IMPG1: variants seen among roughly 807,000 people sequenced by gnomAD.
The protein encoded by IMPG1 is interphotoreceptor matrix proteoglycan 1, also known as interphotoreceptor matrix proteoglycan of 150 kDa.
A neutral mutation model predicts 92.0 loss-of-function variants in IMPG1; 85 were observed. The observed-to-expected ratio is 0.92, with a 90% CI of 0.78 to 1.11. The LOEUF is 1.11. Among genes scored for constraint, IMPG1 ranks in the 50% least tolerant of loss-of-function variants. The probability of loss-of-function intolerance (pLI) is 0.00; values close to 1 mark genes in which losing one functional copy is unlikely to be tolerated. For missense variants in IMPG1, 1,022 were observed against 956.0 expected, an observed-to-expected ratio of 1.07 and a Z score of -0.91; for synonymous variants, 367 against 334.1, an observed-to-expected ratio of 1.10 and a Z score of -1.08.
At chr6:75,983,830 T>C (rs1353820917) in intron 12 of IMPG1, among the ~76,000 whole-genome samples, 1 of 152,066 alleles carries the variant, frequency 6.6e-6, no homozygotes, top group Non-Finnish European at 1.5e-5. Context: ...TGAAAGGCAA[T>C]TAATATTTAA....
In IMPG1 at chr6:76,022,150, T is replaced by C. The variant is rs1222247932; in HGVS notation, c.632A>G (p.Asp211Gly). Residue 211 changes from aspartate to glycine, a missense_variant, in exon 6 of 17, where the codon GAT (aspartate) becomes GGT (glycine). Asp to Gly is a moderately conservative substitution (Grantham distance 94, BLOSUM62 -1). Coordinates refer to ENST00000369950, the MANE Select transcript of IMPG1 (RefSeq NM_001563.4). ...PDDTLLNEILDNTLNDTKMPT... is the reference protein window; with the variant it reads ...PDDTLLNEILGNTLNDTKMPT... ...CATCTTGGTGTCGTTGAGTGTATTATCGAGAATTTCATTGAGGAGGGTGTC... is the reference window on the plus strand; with the variant it reads ...CATCTTGGTGTCGTTGAGTGTATTACCGAGAATTTCATTGAGGAGGGTGTC... The C allele has an allele frequency of 1.3e-6, 2 of 1,596,736 alleles. No individual in the cohort carries two copies. The highest frequency in any genetic ancestry group is 8.6e-7 in the Non-Finnish European group (1 of 1,167,696).
At chr6:75,982,724 T>C (rs982885345) in intron 12 of IMPG1, among the ~76,000 whole-genome samples, 3 of 152,044 alleles carry the variant, frequency 2.0e-5, no homozygotes, top group African/African-American at 7.2e-5. Context: ...CACCTCTTTT[T>C]ACTTTTAATG....
At position 76,037,795 on chromosome 6, in the gene IMPG1, TC is replaced by T. The variant is rs531124176; in HGVS notation, c.302-3009del. Among the ~76,000 whole-genome samples the T allele has an allele frequency of 1.5e-3, 227 of 152,326 alleles. 2 individuals carry two copies. The highest frequency in any genetic ancestry group is 5.3e-3 in the African/African-American group (221 of 41,578). The stretch of plus-strand genomic sequence containing the variant: ...AAACTAGCACTGTCTTTGGTGACTT[TC>T]ATGGACAATATCTAAGTGTTGGTGA... On this transcript the variant is annotated intron_variant, in intron 2 of 16. Coordinates refer to ENST00000369950, the MANE Select transcript of IMPG1 (RefSeq NM_001563.4).
At chr6:75,978,980 T>G (rs1005497177) in intron 12 of IMPG1, among the ~76,000 whole-genome samples, 3 of 152,136 alleles carry the variant, frequency 2.0e-5, no homozygotes, top group African/African-American at 7.2e-5. Context: ...GACATGAACA[T>G]GACTCACTGA....
chr6:75,983,522 T>G (rs1358029449), intron 12 of IMPG1, among the ~76,000 whole-genome samples: 2 of 152,118 alleles, frequency 1.3e-5, no homozygotes, highest in African/African-American at 4.8e-5. Flanking sequence ...TGGCTATCCA[T>G]CTGCAGAAGA....
chr6:76,004,961 G>A (rs753100020), intron 10 of IMPG1, among the ~76,000 whole-genome samples: 5 of 152,160 alleles, frequency 3.3e-5, no homozygotes, highest in Non-Finnish European at 7.3e-5. Flanking sequence ...TTGACTACAT[G>A]AGAGAATATG....
intron 12 of IMPG1, among the ~76,000 whole-genome samples, chr6:75,995,881 C>CG (rs1782891492): frequency 6.6e-6 from 1 of 152,210 alleles, no homozygotes. Context: ...ATCCTTGTTT[C>CG]GGGGTCTGTT....
At chr6:75,975,412 G>T (rs973368583) in intron 12 of IMPG1, among the ~76,000 whole-genome samples, 3 of 152,186 alleles carry the variant, frequency 2.0e-5, no homozygotes, top group African/African-American at 7.2e-5. Context: ...TATGAAATGG[G>T]TTTAAAAGAT....
chr6:75,983,481 A>T (rs1782662168), intron 12 of IMPG1, among the ~76,000 whole-genome samples: 1 of 152,188 alleles, frequency 6.6e-6, no homozygotes, highest in Non-Finnish European at 1.5e-5. Context: ...TGGGGAAAGG[A>T]CAGTCTCTTC....
intron 4 of IMPG1, among the ~76,000 whole-genome samples, chr6:76,032,462 T>C (rs1205206342): frequency 6.6e-6 from 1 of 152,178 alleles, no homozygotes; most frequent in Non-Finnish European, 1.5e-5. Flanking sequence ...TTAAAATCTA[T>C]AAAAGAGTGG....
At chr6:76,060,042 G>C (rs772250230) in intron 1 of IMPG1, among the ~76,000 whole-genome samples, 1 of 152,114 alleles carries the variant, frequency 6.6e-6, no homozygotes, top group Non-Finnish European at 1.5e-5. Context: ...CTAATTTTGA[G>C]GTTCTGACTT....
At chr6:76,028,033 C>G (rs76719517) in intron 4 of IMPG1, among the ~76,000 whole-genome samples, 1,943 of 152,280 alleles carry the variant, frequency 0.013, 44 homozygotes, top group African/African-American at 0.044. Flanking sequence ...TTGTCAAAAT[C>G]ATGTTCACTC....
chr6:76,053,606 C>T (rs542846411), intron 1 of IMPG1, among the ~76,000 whole-genome samples: 1 of 152,224 alleles, frequency 6.6e-6, no homozygotes. Context: ...TACTGAGGTG[C>T]TGAAACACAA....
intron 12 of IMPG1, among the ~76,000 whole-genome samples, chr6:75,952,525 G>C (rs561408356): frequency 6.6e-6 from 1 of 152,130 alleles, no homozygotes; most frequent in Non-Finnish European, 1.5e-5. Context: ...GGGTACCTGC[G>C]TGTGTCTACT....
At chr6:76,025,505 T>G (rs1180323101) in intron 4 of IMPG1, among the ~76,000 whole-genome samples, 1 of 152,170 alleles carries the variant, frequency 6.6e-6, no homozygotes, top group Non-Finnish European at 1.5e-5. Context: ...CATCCTTTTT[T>G]TTGTGGTCCT....
intron 12 of IMPG1, among the ~76,000 whole-genome samples, chr6:75,972,273 A>G (rs1782435109): frequency 6.6e-6 from 1 of 152,152 alleles, no homozygotes; most frequent in African/African-American, 2.4e-5. Context: ...CTCCCAACCA[A>G]CATGCAAGAT....
At chr6:75,942,937 T>G (rs900892562) in intron 14 of IMPG1, among the ~76,000 whole-genome samples, 6 of 152,298 alleles carry the variant, frequency 3.9e-5, no homozygotes, top group Admixed American at 1.3e-4. Context: ...TGTACAGGCT[T>G]TTTTTTAGAA....
intron 7 of IMPG1, among the ~76,000 whole-genome samples, chr6:76,011,666 T>C (rs1783186631): frequency 1.3e-5 from 2 of 151,688 alleles, no homozygotes. Context: ...ACATGTGCCA[T>C]GCTGGTGCGC....
chr6:75,974,384 TTTCTTTCTTTTC>T (rs1224191430), intron 12 of IMPG1, among the ~76,000 whole-genome samples: 3 of 63,856 alleles, frequency 4.7e-5, no homozygotes, highest in African/African-American at 1.6e-4. Context: ...TCTTTCTTTC[TTTCTTTCTTTTC>T]TTTCTTTCCT....
Sources: allele counts gnomAD v4.1 joint callset (sites outside exome capture counted in the v4.1 genomes callset), GRCh38; gene constraint gnomAD v4.1.1; transcripts MANE v1.5; gene names NCBI Gene and HGNC (gene_info 2026-07-23, HGNC 2026-07-21).